Variants in ZNF385D observed in about 807,000 individuals in gnomAD.
ZNF385D encodes the protein zinc finger protein 385D, also known as zinc finger protein 659.
A neutral mutation model predicts 35.8 loss-of-function variants in ZNF385D; 15 were observed. The observed-to-expected ratio is 0.42, with a 90% confidence interval of 0.28 to 0.64. The LOEUF is 0.64. ZNF385D is among the 30% of genes least tolerant of loss of function. The probability of loss-of-function intolerance (pLI) is 0.23; values close to 1 mark genes in which losing one functional copy is unlikely to be tolerated. For missense variants in ZNF385D, 474 were observed against 494.6 expected, an observed-to-expected ratio of 0.96 and a Z score of 0.39; for synonymous variants, 212 against 186.8, an observed-to-expected ratio of 1.13 and a Z score of -1.10.
At chr3:21,844,462 TAA>T (rs926020905) in intron 3 of ZNF385D, among the ~76,000 whole-genome samples, 35 of 150,596 alleles carry the variant, frequency 2.3e-4, no homozygotes, top group Non-Finnish European at 4.0e-4. Flanking sequence ...ACCTGGATGC[TAA>T]AGTTGTCCGA....
chr3:21,728,193 G>T (rs2068846083), intron 1 of ZNF385D, among the ~76,000 whole-genome samples: 1 of 151,928 alleles, frequency 6.6e-6, no homozygotes, highest in South Asian at 2.1e-4. Context: ...TAAGTGACGG[G>T]TTGATGGGTG....
intron 2 of ZNF385D, among the ~76,000 whole-genome samples, chr3:22,241,096 T>C (rs1699468714): frequency 1.3e-5 from 2 of 151,264 alleles, no homozygotes; most frequent in Non-Finnish European, 2.9e-5. Flanking sequence ...AGATATTCAG[T>C]ATGTTTGATC....
At chr3:22,276,620 G>A (rs1425117789) in intron 2 of ZNF385D, among the ~76,000 whole-genome samples, 1 of 152,152 alleles carries the variant, frequency 6.6e-6, no homozygotes, top group African/African-American at 2.4e-5. Context: ...TTTGCAAAAT[G>A]TTGAAACAAA....
intron 3 of ZNF385D, among the ~76,000 whole-genome samples, chr3:22,076,207 A>G (rs1700454787): frequency 6.6e-6 from 1 of 151,880 alleles, no homozygotes; most frequent in Admixed American, 6.6e-5. Context: ...ACCAATTCAA[A>G]AGTCCTCATT....
intron 3 of ZNF385D, among the ~76,000 whole-genome samples, chr3:22,080,928 T>C (rs1338101968): frequency 2.0e-5 from 3 of 152,150 alleles, no homozygotes; most frequent in South Asian, 2.1e-4. Flanking sequence ...TCCTCAATCA[T>C]AGACTTCCCA....
chr3:21,832,958 T>C (rs1013619782), intron 3 of ZNF385D, among the ~76,000 whole-genome samples: 1 of 152,204 alleles, frequency 6.6e-6, no homozygotes, highest in Non-Finnish European at 1.5e-5. Context: ...CTAAATATTA[T>C]ATAAAAATCA....
chr3:22,071,941 T>A (rs1380071109), intron 3 of ZNF385D, among the ~76,000 whole-genome samples: 1 of 152,102 alleles, frequency 6.6e-6, no homozygotes, highest in African/African-American at 2.4e-5. Context: ...CAAGGTCTGG[T>A]AACTCATTCT....
intron 1 of ZNF385D, among the ~76,000 whole-genome samples, chr3:21,712,241 C>T (rs559863368): frequency 1.3e-5 from 2 of 152,288 alleles, no homozygotes; most frequent in South Asian, 4.1e-4. Flanking sequence ...ATCCTTCTCT[C>T]TCTCCATTGT....
At chr3:21,914,168 T>C (rs1700088674) in intron 3 of ZNF385D, among the ~76,000 whole-genome samples, 1 of 152,096 alleles carries the variant, frequency 6.6e-6, no homozygotes, top group East Asian at 1.9e-4. Context: ...GCTCCAGAAT[T>C]TTAGTAGACA....
intron 3 of ZNF385D, among the ~76,000 whole-genome samples, chr3:21,970,926 A>G (rs1585863): frequency 0.25 from 37,742 of 151,876 alleles, 5,115 homozygotes; most frequent in East Asian, 0.32. Flanking sequence ...TTAAAGTGCA[A>G]AAGAAAAAAA....
chr3:21,890,782 G>C (rs2244339), intron 3 of ZNF385D, among the ~76,000 whole-genome samples: 33,950 of 152,130 alleles, frequency 0.22, 3,846 homozygotes, highest in Middle Eastern at 0.3. Flanking sequence ...TGATGGGAAG[G>C]GGTAATAAAG....
intron 2 of ZNF385D, among the ~76,000 whole-genome samples, chr3:22,239,138 G>A (rs574961970): frequency 3.3e-5 from 5 of 151,036 alleles, no homozygotes; most frequent in South Asian, 2.2e-4. Flanking sequence ...ATGATAACAC[G>A]AAATGGTTTT....
chr3:21,729,000 T>C (rs566696387), intron 1 of ZNF385D, among the ~76,000 whole-genome samples: 33 of 152,344 alleles, frequency 2.2e-4, no homozygotes, highest in African/African-American at 6.3e-4. Flanking sequence ...TCAGCACATA[T>C]GCAAGGAACC....
At chr3:22,189,779 T>A (rs1194561750) in intron 2 of ZNF385D, among the ~76,000 whole-genome samples, 2 of 152,170 alleles carry the variant, frequency 1.3e-5, no homozygotes. Flanking sequence ...TTGTTTTGCT[T>A]GGCATACCTC....
intron 2 of ZNF385D, among the ~76,000 whole-genome samples, chr3:22,239,367 T>A (rs1699364317): frequency 6.6e-6 from 1 of 151,058 alleles, no homozygotes; most frequent in African/African-American, 2.5e-5. Flanking sequence ...TACTATCTAT[T>A]CCTTTGTAGA....
At chr3:22,351,078 G>A (rs1695894554) in intron 2 of ZNF385D, among the ~76,000 whole-genome samples, 1 of 151,924 alleles carries the variant, frequency 6.6e-6, no homozygotes, top group African/African-American at 2.4e-5. Flanking sequence ...ATTCACATTG[G>A]TTCTTACAGC....
At chr3:21,463,926 ATC>A (rs1301469451) in intron 4 of ZNF385D, among the ~76,000 whole-genome samples, 2 of 152,058 alleles carry the variant, frequency 1.3e-5, no homozygotes, top group African/African-American at 2.4e-5. Context: ...AGGAATAAGA[ATC>A]TCTGTCCCAT....
In ZNF385D at chr3:22,271,071, G is replaced by A. The variant is rs1015036501; in HGVS notation, c.106+101379C>T. ...CCTCCTTCCATGAAATCTTTTCCTGGAACACTCACTATCTTGAGCCAGAGA... is the reference window on the plus strand; with the variant it reads ...CCTCCTTCCATGAAATCTTTTCCTGAAACACTCACTATCTTGAGCCAGAGA... On this transcript the variant is annotated intron_variant, in intron 2 of 5. Coordinates refer to the ZNF385D transcript ENST00000494108. Among the ~76,000 whole-genome samples the A allele has an allele frequency of 4.6e-5, 7 of 151,748 alleles. No homozygotes were observed. In the South Asian group the frequency reaches 8.3e-4, roughly 18 times the overall value.
chr3:21,827,493 G>C (rs1694716021), intron 3 of ZNF385D, among the ~76,000 whole-genome samples: 1 of 152,168 alleles, frequency 6.6e-6, no homozygotes, highest in South Asian at 2.1e-4. Context: ...ATCTCTTATA[G>C]TAGGTTACTG....
Sources: allele counts gnomAD v4.1 joint callset (sites outside exome capture counted in the v4.1 genomes callset), GRCh38; gene constraint gnomAD v4.1.1; transcripts MANE v1.5; gene names NCBI Gene and HGNC (gene_info 2026-07-23, HGNC 2026-07-21).